SOX5: variants seen among roughly 807,000 people sequenced by gnomAD.
SOX5 encodes SRY-box transcription factor 5, also known as transcription factor SOX-5.
A neutral mutation model predicts 92.0 loss-of-function variants in SOX5; 9 were observed. The ratio of observed to expected loss-of-function variants is 0.10; its 90% CI spans 0.06 to 0.17. The LOEUF (loss-of-function observed/expected upper bound fraction) is 0.17. SOX5 is among the 10% of genes least tolerant of loss of function. The pLI, the probability that SOX5 is intolerant of heterozygous loss-of-function variation, is 1.00. For missense variants in SOX5, 642 were observed against 944.5 expected (o/e 0.68, Z 4.20); for synonymous variants, 344 against 336.3 (o/e 1.02, Z -0.25).
chr12:24,075,672 T>C (rs1942484318), intron 4 of SOX5, among the ~76,000 whole-genome samples: 1 of 152,110 alleles, frequency 6.6e-6, no homozygotes, highest in African/African-American at 2.4e-5. Flanking sequence ...AAAGACATGA[T>C]TGAAATAAGC....
intron 3 of SOX5, among the ~76,000 whole-genome samples, chr12:24,266,675 A>G (rs1241672055): frequency 6.6e-6 from 1 of 152,222 alleles, no homozygotes; most frequent in Non-Finnish European, 1.5e-5. Flanking sequence ...AGCAGTTTAA[A>G]TGATATCCTA....
chr12:24,553,392 C>T (rs1225860643), intron 1 of SOX5, among the ~76,000 whole-genome samples: 1 of 152,168 alleles, frequency 6.6e-6, no homozygotes, highest in Non-Finnish European at 1.5e-5. Context: ...TCTAGCACCC[C>T]TCCTGGAACA....
At chr12:24,226,697 C>A (rs890375352) in intron 3 of SOX5, among the ~76,000 whole-genome samples, 3 of 152,144 alleles carry the variant, frequency 2.0e-5, no homozygotes, top group African/African-American at 7.2e-5. Context: ...TCTTCAACTC[C>A]TGACCTCAGG....
At chr12:24,240,755 C>A (rs1177316891) in intron 3 of SOX5, among the ~76,000 whole-genome samples, 2 of 152,192 alleles carry the variant, frequency 1.3e-5, no homozygotes, top group Non-Finnish European at 2.9e-5. Context: ...TGCAAAGTTA[C>A]ATGATCCTAT....
chr12:23,995,076 C>T (rs1487313907), intron 4 of SOX5, among the ~76,000 whole-genome samples: 1 of 152,222 alleles, frequency 6.6e-6, no homozygotes, highest in Non-Finnish European at 1.5e-5. Flanking sequence ...CTTCTAAGCA[C>T]AGTCCCTGCT....
chr12:24,410,363 T>C (rs1963855880), intron 1 of SOX5, among the ~76,000 whole-genome samples: 1 of 152,196 alleles, frequency 6.6e-6, no homozygotes, highest in African/African-American at 2.4e-5. Context: ...GCTTTTGGTA[T>C]AAAATCTAAA....
At chr12:24,342,481 T>G (rs1952690852) in intron 2 of SOX5, among the ~76,000 whole-genome samples, 2 of 152,250 alleles carry the variant, frequency 1.3e-5, no homozygotes, top group African/African-American at 4.8e-5. Flanking sequence ...AATTTATCCT[T>G]TAGTTATTTG....
chr12:24,448,926 C>A (rs1941879591), intron 1 of SOX5, among the ~76,000 whole-genome samples: 1 of 152,072 alleles, frequency 6.6e-6, no homozygotes, highest in Non-Finnish European at 1.5e-5. Context: ...CAAACCTGCA[C>A]CTCCCTCAGT....
intron 4 of SOX5, among the ~76,000 whole-genome samples, chr12:24,056,247 G>A (rs999171836): frequency 6.6e-6 from 1 of 150,620 alleles, no homozygotes; most frequent in East Asian, 2.0e-4. Flanking sequence ...CCAAGACCGA[G>A]AGACCCACCA....
At chr12:23,826,371 GAATA>G (rs1365634883) in intron 3 of SOX5, among the ~76,000 whole-genome samples, 7 of 152,102 alleles carry the variant, frequency 4.6e-5, no homozygotes, top group Non-Finnish European at 1.0e-4. Flanking sequence ...AAGGAGAAAA[GAATA>G]AATAAAGCAA....
intron 8 of SOX5, among the ~76,000 whole-genome samples, chr12:23,635,681 A>T (rs964901290): frequency 7.2e-5 from 11 of 152,164 alleles, no homozygotes; most frequent in Admixed American, 2.6e-4. Context: ...ATAATAATTT[A>T]AAAAAATAAA....
At chr12:24,088,928 A>C (rs2137734966) in intron 4 of SOX5, among the ~76,000 whole-genome samples, 1 of 152,152 alleles carries the variant, frequency 6.6e-6, no homozygotes, top group South Asian at 2.1e-4. Context: ...CATGGATGTG[A>C]ATCATTGCCA....
chr12:23,788,044 CA>C (rs903366056), intron 3 of SOX5, among the ~76,000 whole-genome samples: 37 of 150,460 alleles, frequency 2.5e-4, no homozygotes, highest in African/African-American at 8.6e-4. Context: ...CTAGATATAA[CA>C]AAAAGACTAA....
intron 6 of SOX5, among the ~76,000 whole-genome samples, chr12:23,700,050 G>A (rs1166883912): frequency 2.0e-5 from 3 of 152,078 alleles, no homozygotes; most frequent in Non-Finnish European, 4.4e-5. Context: ...GCATATTTCC[G>A]CTATACCTGT....
chr12:24,338,707 T>C (rs7308486), intron 2 of SOX5, among the ~76,000 whole-genome samples: 43,136 of 152,032 alleles, frequency 0.28, 6,407 homozygotes, highest in Non-Finnish European at 0.33. Context: ...GGCAGTTTTT[T>C]CCCTGTGCTG....
chr12:24,487,784 A>G (rs1280827801), intron 1 of SOX5, among the ~76,000 whole-genome samples: 1 of 152,208 alleles, frequency 6.6e-6, no homozygotes, highest in Non-Finnish European at 1.5e-5. Context: ...GTTTTACTAA[A>G]GACCCAGCTG....
intron 1 of SOX5, among the ~76,000 whole-genome samples, chr12:24,508,427 A>G (rs1433180050): frequency 6.6e-6 from 1 of 152,202 alleles, no homozygotes; most frequent in Admixed American, 6.5e-5. Context: ...TGACTTTGAC[A>G]CTGAGATACA....
intron 8 of SOX5, among the ~76,000 whole-genome samples, chr12:23,635,689 A>T (rs184705787): frequency 2.0e-5 from 3 of 152,274 alleles, no homozygotes; most frequent in East Asian, 1.9e-4. Context: ...TTAAAAAAAT[A>T]AAAAAAGGAA....
At chr12:24,295,681 A>T (rs756747360) in intron 2 of SOX5, among the ~76,000 whole-genome samples, 1 of 152,160 alleles carries the variant, frequency 6.6e-6, no homozygotes, top group Non-Finnish European at 1.5e-5. Flanking sequence ...CTCCTGCCTC[A>T]GCCCCTCCTG....
Sources: allele counts gnomAD v4.1 joint callset (sites outside exome capture counted in the v4.1 genomes callset), GRCh38; gene constraint gnomAD v4.1.1; transcripts MANE v1.5; gene names NCBI Gene and HGNC (gene_info 2026-07-23, HGNC 2026-07-21).